The following CALHM4 variants were observed in gnomAD, a reference collection of about 807,000 sequenced individuals.
CALHM4 encodes calcium homeostasis modulator family member 4.
CALHM4 carries 16 observed loss-of-function variants against 13.3 expected under a neutral mutation model. The observed-to-expected ratio is 1.20, with a 90% CI of 0.81 to 1.82. CALHM4 has a LOEUF of 1.82. Ranked by LOEUF, CALHM4 falls within the 40% of genes most tolerant of loss-of-function variation. CALHM4 has a pLI of 0.00. For synonymous variants in CALHM4, 127 were observed against 137.1 expected, an observed-to-expected ratio of 0.93 and a Z score of 0.52; for missense variants, 344 against 374.9, an observed-to-expected ratio of 0.92 and a Z score of 0.68.
In CALHM4 at chr6:116,543,819, C is replaced by G. The variant is rs545032188; in HGVS notation, c.-54C>G. The stretch of plus-strand genomic sequence containing the variant: ...AGGCGTCTGCACAATCCCTAATGGC[C>G]CCCAGATCTGCCAAGGAGACCTTCA... On this transcript the variant is annotated 5_prime_UTR_variant, in exon 2 of 3. Coordinates refer to the CALHM4 transcript ENST00000368597. 3.2e-5 allele frequency: 49 copies of G among 1,534,110 alleles called. 1 individual carries two copies. The South Asian group carries it at 5.1e-4, about 16-fold the overall frequency.
chr6:116,551,447 T>C (rs955817600), upstream of CALHM4, among the ~76,000 whole-genome samples: 2 of 152,234 alleles, frequency 1.3e-5, no homozygotes, highest in African/African-American at 4.8e-5. Flanking sequence ...AATTATTTCA[T>C]CCGGAAAATT....
intron 1 of CALHM4, among the ~76,000 whole-genome samples, chr6:116,529,356 G>C (rs925739364): frequency 6.6e-6 from 1 of 151,988 alleles, no homozygotes; most frequent in Admixed American, 6.5e-5. Flanking sequence ...AGACAGTGGC[G>C]AGATATTAAA....
upstream of CALHM4, among the ~76,000 whole-genome samples, chr6:116,550,420 A>C (rs983016860): frequency 6.6e-6 from 1 of 152,116 alleles, no homozygotes; most frequent in Non-Finnish European, 1.5e-5. Context: ...GTGCCAGGGT[A>C]ATTTTCCTGG....
intron 1 of CALHM4, among the ~76,000 whole-genome samples, chr6:116,531,371 GTGGA>G (rs1431558576): frequency 1.3e-5 from 2 of 152,080 alleles, no homozygotes; most frequent in African/African-American, 2.4e-5. Context: ...AAGCAGTGAG[GTGGA>G]GAGAAGGAAA....
chr6:116,557,795 C>G, intron 1 of CALHM4, 30 bp from the exon 2 acceptor site: 1 of 1,594,556 alleles, frequency 6.3e-7, no homozygotes, highest in Non-Finnish European at 8.6e-7. Flanking sequence ...ATTGATACTT[C>G]CTGTTTTTCT....
chr6:116,530,187 G>A (rs939544634), intron 1 of CALHM4, among the ~76,000 whole-genome samples: 2 of 151,922 alleles, frequency 1.3e-5, no homozygotes, highest in African/African-American at 4.8e-5. Context: ...AGCAAAGTAA[G>A]TAAAATACAG....
At chr6:116,543,970 G>T in intron 2 of CALHM4, 1 of 1,031,970 alleles carries the variant, frequency 9.7e-7, no homozygotes. Context: ...AATTATAAAT[G>T]AAAACTAAAA....
intron 1 of CALHM4, 26 bp from the exon 2 acceptor site, chr6:116,557,799 T>C: frequency 6.3e-7 from 1 of 1,596,600 alleles, no homozygotes; most frequent in Non-Finnish European, 8.6e-7. Flanking sequence ...ATACTTCCTG[T>C]TTTTCTTTTT....
At position 116,543,408 on chromosome 6, in the gene CALHM4, A is replaced by C. The variant is rs568629316; in HGVS notation, c.-108-357A>C. ...GACAAAGAGATCTTTATTCTGGAGA[A>C]AAAGGGGTAGTTTCTGGTTATAGGC... On this transcript the variant is annotated intron_variant, in intron 1 of 2. Transcript: ENST00000368597. 1.5e-5 allele frequency: 23 copies of C among 1,544,324 alleles called. No homozygotes were observed. In the Admixed American group the frequency reaches 4.0e-4, roughly 27 times the overall value.
upstream of CALHM4, among the ~76,000 whole-genome samples, chr6:116,552,797 G>A (rs540804186): frequency 1.3e-5 from 2 of 152,218 alleles, no homozygotes; most frequent in African/African-American, 2.4e-5. Flanking sequence ...AATATCGGCC[G>A]GGCGAGGTGT....
chr6:116,545,434 C>A (rs1003543365), intron 2 of CALHM4: 3 of 1,503,392 alleles, frequency 2.0e-6, no homozygotes, highest in Non-Finnish European at 1.8e-6. Flanking sequence ...AAAACATTTT[C>A]TCTGAAGTAG....
intron 1 of CALHM4, among the ~76,000 whole-genome samples, chr6:116,554,861 G>A (rs940225573): frequency 1.3e-5 from 2 of 152,080 alleles, no homozygotes; most frequent in Admixed American, 6.6e-5. Flanking sequence ...TAAATTTGGT[G>A]TCTATGGATA....
At chr6:116,540,061 T>C (rs1053063070) in intron 1 of CALHM4, among the ~76,000 whole-genome samples, 2 of 152,180 alleles carry the variant, frequency 1.3e-5, no homozygotes, top group East Asian at 1.9e-4. Context: ...GGCATGCATG[T>C]TTTAAGGTTG....
chr6:116,551,464 G>T (rs1226760400), upstream of CALHM4, among the ~76,000 whole-genome samples: 4 of 151,870 alleles, frequency 2.6e-5, no homozygotes, highest in African/African-American at 9.7e-5. Context: ...AATTATTTCT[G>T]AATTCATTCA....
intron 2 of CALHM4, among the ~76,000 whole-genome samples, chr6:116,548,610 T>A (rs1409345657): frequency 6.6e-6 from 1 of 152,220 alleles, no homozygotes; most frequent in Non-Finnish European, 1.5e-5. Flanking sequence ...GTCTACAATT[T>A]CCTTCCCCAC....
intron 2 of CALHM4, chr6:116,545,451 T>A: frequency 6.5e-7 from 1 of 1,536,440 alleles, no homozygotes; most frequent in East Asian, 2.5e-5. Flanking sequence ...GTAGAAAAAA[T>A]CTCTTTGTAG....
Position 116,560,621 on chromosome 6 carries a change from A to T in CALHM4, c.*2410A>T, listed in dbSNP as rs1297406258. ...CATCTTACAGTACATTATCTATCTC[A>T]GATCAAATAAATGGAATTTTTAGTA... is the stretch of plus-strand genomic sequence containing the variant. On this transcript the variant is annotated 3_prime_UTR_variant, in exon 2 of 2. Coordinates refer to ENST00000368596, the MANE Select transcript of CALHM4 (RefSeq NM_001366078.2). 7.8e-6 allele frequency among the ~76,000 whole-genome samples: 1 copy of T among 128,336 alleles called. No individual in the cohort carries two copies. Among genetic ancestry groups the T allele is most frequent in the African/African-American group, 3.0e-5 (1 of 33,790 alleles). The allele number at this position is 128,336 out of a possible 152,430, so 84.2% of individuals were successfully genotyped here. A position where few individuals can be genotyped will look rare whatever the true frequency, so the allele number is the denominator to read the frequency against.
chr6:116,554,742 C>T (rs919306690), intron 1 of CALHM4, among the ~76,000 whole-genome samples: 6 of 152,042 alleles, frequency 3.9e-5, no homozygotes, highest in African/African-American at 1.4e-4. Flanking sequence ...ATTAGTAAAT[C>T]CCATTTTCTG....
intron 1 of CALHM4, among the ~76,000 whole-genome samples, chr6:116,533,625 A>C (rs954074712): frequency 6.6e-6 from 1 of 152,234 alleles, no homozygotes; most frequent in African/African-American, 2.4e-5. Flanking sequence ...ACTGGTTGTC[A>C]GATTATTGCC....
Sources: allele counts gnomAD v4.1 joint callset (sites outside exome capture counted in the v4.1 genomes callset), GRCh38; gene constraint gnomAD v4.1.1; transcripts MANE v1.5; gene names NCBI Gene and HGNC (gene_info 2026-07-23, HGNC 2026-07-21).